The following CORIN variants were observed in gnomAD, a reference collection of about 807,000 sequenced individuals.
CORIN encodes the protein corin, serine peptidase.
Under a neutral mutation model 125.3 loss-of-function variants are expected in CORIN, and 117 were observed. The ratio of observed to expected loss-of-function variants is 0.93; its 90% CI spans 0.80 to 1.09. The LOEUF (loss-of-function observed/expected upper bound fraction) is 1.09, where lower values mean the gene tolerates loss of function less well. CORIN is among the 50% of genes least tolerant of loss of function. The probability of loss-of-function intolerance (pLI) is 0.00; values close to 1 mark genes in which losing one functional copy is unlikely to be tolerated. For synonymous variants in CORIN, 450 were observed against 466.4 expected (o/e 0.96, Z 0.45); for missense variants, 1,253 against 1,306.7 (o/e 0.96, Z 0.63).
intron 5 of CORIN, among the ~76,000 whole-genome samples, chr4:47,701,313 A>G (rs1726283496): frequency 6.6e-6 from 1 of 152,216 alleles, no homozygotes; most frequent in African/African-American, 2.4e-5. Flanking sequence ...AGAAAATCCC[A>G]AACAACTCCT....
intron 10 of CORIN, among the ~76,000 whole-genome samples, chr4:47,672,082 G>C (rs1191350159): frequency 6.6e-6 from 1 of 152,190 alleles, no homozygotes; most frequent in Non-Finnish European, 1.5e-5. Flanking sequence ...AGAGCTTAAA[G>C]AGAACAACAG....
Position 47,819,328 on chromosome 4 carries a change from C to A in CORIN, c.64-12281G>T, listed in dbSNP as rs73137920. 9.3e-3 allele frequency among the ~76,000 whole-genome samples: 1,413 copies of A among 152,178 alleles called. 20 individuals carry two copies. Among genetic ancestry groups the A allele is most frequent in the African/African-American group, 0.032 (1,336 of 41,520 alleles). On this transcript the variant is annotated intron_variant, in intron 1 of 21. Coordinates refer to ENST00000273857, the MANE Select transcript of CORIN (RefSeq NM_006587.4). ...AAGGAAGTCTAGAAGAGCAAGTTGGCAAAGATCATGGCCAGAAGACAAAGA... is the reference window on the plus strand; with the variant it reads ...AAGGAAGTCTAGAAGAGCAAGTTGGAAAAGATCATGGCCAGAAGACAAAGA...
In CORIN at chr4:47,618,557, C is replaced by T. The variant is rs868215947; in HGVS notation, c.2540+5014G>A. Among the ~76,000 whole-genome samples the T allele has an allele frequency of 2.0e-5, 3 of 151,600 alleles. 1 individual carries two copies. The highest frequency in any genetic ancestry group is 3.5e-3 in the Middle Eastern group (1 of 284). On this transcript the variant is annotated intron_variant, in intron 19 of 21. Transcript: ENST00000273857. ...GGCGAGGGCTGGGCGCAGTGGCTCA[C>T]GCCTGTAATCCCAGCACTTTGGGAG...
chr4:47,816,153 A>G (rs1395223980), intron 1 of CORIN, among the ~76,000 whole-genome samples: 1 of 152,228 alleles, frequency 6.6e-6, no homozygotes, highest in African/African-American at 2.4e-5. Flanking sequence ...GTAAAACATA[A>G]ACAGATGTTG....
chr4:47,613,948 T>TA (rs1338581723), intron 19 of CORIN, among the ~76,000 whole-genome samples: 2 of 141,014 alleles, frequency 1.4e-5, no homozygotes, highest in Non-Finnish European at 3.0e-5. Flanking sequence ...CCCTAAAACT[T>TA]AAAGTATAAT....
intron 5 of CORIN, among the ~76,000 whole-genome samples, chr4:47,728,318 T>C (rs1298312762): frequency 1.3e-5 from 2 of 152,106 alleles, no homozygotes; most frequent in East Asian, 3.9e-4. Context: ...TAAAGAATAA[T>C]GTTCACCTAA....
chr4:47,595,558 GA>G lies in CORIN; in HGVS notation c.*162del, dbSNP rs1020522075. 8 of 442,706 alleles carry G rather than the reference GA, an allele frequency of 1.8e-5. No homozygotes were observed. The highest frequency in any genetic ancestry group is 1.3e-4 in the East Asian group (4 of 29,722). The allele number at this position is 442,706 out of a possible 1,614,324, so 27.4% of individuals were successfully genotyped here. On this transcript the variant is annotated 3_prime_UTR_variant, in exon 22 of 22. Coordinates refer to ENST00000273857, the MANE Select transcript of CORIN (RefSeq NM_006587.4). ...AAAAATGAAGGTGAAAAAATAAATT[GA>G]AAAAAATTAGTCCAAAACAAACATG...
intron 19 of CORIN, among the ~76,000 whole-genome samples, chr4:47,618,307 T>C (rs56402433): frequency 0.27 from 38,850 of 143,586 alleles, 5,319 homozygotes; most frequent in Admixed American, 0.36. Context: ...TCACTCCAGC[T>C]TGGGCAACAG....
At chr4:47,634,666 G>A (rs2109588603) in intron 16 of CORIN, among the ~76,000 whole-genome samples, 1 of 152,212 alleles carries the variant, frequency 6.6e-6, no homozygotes, top group African/African-American at 2.4e-5. Flanking sequence ...CCTTGTTGAA[G>A]ATACAAATAA....
At chr4:47,806,737 G>A (rs951653603) in intron 2 of CORIN, among the ~76,000 whole-genome samples, 166 bp downstream of exon 2, 2 of 152,140 alleles carry the variant, frequency 1.3e-5, no homozygotes, top group Non-Finnish European at 2.9e-5. Context: ...ATAACCAGTA[G>A]AGTGGTTACA....
At position 47,761,508 on chromosome 4, in the gene CORIN, CAT is replaced by C. The variant is rs58530980; in HGVS notation, c.617+1869_617+1870del. ...ACACACACACACACACACACACACA[CAT>C]ATACACAATGGAATACTATTCAGCC... On this transcript the variant is annotated intron_variant, in intron 4 of 21. Transcript: ENST00000273857. Among the ~76,000 whole-genome samples the C allele has an allele frequency of 3.9e-3, 591 of 151,298 alleles. 1 individual carries two copies. The highest frequency in any genetic ancestry group is 5.6e-3 in the Non-Finnish European group (381 of 67,682).
In CORIN at chr4:47,667,117, G is replaced by A. The variant is rs371406843; in HGVS notation, c.1358-1854C>T. On this transcript the variant is annotated intron_variant, in intron 10 of 21. Coordinates refer to ENST00000273857, the MANE Select transcript of CORIN (RefSeq NM_006587.4). ...GTGAATAAGTCTCACAAAATCTGAT[G>A]ATTTTATAAGGGGTTTCACCTTTCA... Among the ~76,000 whole-genome samples the A allele has an allele frequency of 5.4e-4, 82 of 152,292 alleles. 1 individual carries two copies. In the South Asian group the frequency reaches 0.017, roughly 32 times the overall value.
chr4:47,799,002 C>A (rs1373982050), intron 2 of CORIN, among the ~76,000 whole-genome samples: 1 of 152,074 alleles, frequency 6.6e-6, no homozygotes, highest in East Asian at 1.9e-4. Flanking sequence ...ATTTGGTTCT[C>A]TGTTCCTGTG....
At chr4:47,602,839 A>T (rs1721496867) in intron 20 of CORIN, among the ~76,000 whole-genome samples, 1 of 152,098 alleles carries the variant, frequency 6.6e-6, no homozygotes, top group Non-Finnish European at 1.5e-5. Flanking sequence ...TTTTTGTAAG[A>T]GAAAATGGGA....
chr4:47,600,376 T>C (rs1469373304), intron 20 of CORIN, 29 bp from the exon 21 acceptor site: 1 of 1,545,372 alleles, frequency 6.5e-7, no homozygotes, highest in South Asian at 1.2e-5. Flanking sequence ...AGAATATATA[T>C]ATGATGATAA....
chr4:47,674,538 C>T (rs1242696054), intron 9 of CORIN, 38 bp from the exon 10 acceptor site: 1 of 1,220,412 alleles, frequency 8.2e-7, no homozygotes. Flanking sequence ...CTTTCATCAT[C>T]TACAAATTCC....
intron 13 of CORIN, among the ~76,000 whole-genome samples, chr4:47,650,121 C>G (rs970346101): frequency 1.3e-5 from 2 of 152,128 alleles, no homozygotes; most frequent in African/African-American, 4.8e-5. Flanking sequence ...TAAGGGGATT[C>G]TGACTTGAAG....
intron 1 of CORIN, among the ~76,000 whole-genome samples, chr4:47,815,138 C>G (rs538660924): frequency 2.0e-5 from 3 of 152,204 alleles, no homozygotes; most frequent in South Asian, 4.1e-4. Context: ...TGAAAATCTA[C>G]GTAACCTTAT....
At chr4:47,819,373 G>T (rs1732406243) in intron 1 of CORIN, among the ~76,000 whole-genome samples, 1 of 152,098 alleles carries the variant, frequency 6.6e-6, no homozygotes, top group Non-Finnish European at 1.5e-5. Context: ...AGCAAACTGA[G>T]CAAAAATTAC....
Sources: allele counts gnomAD v4.1 joint callset (sites outside exome capture counted in the v4.1 genomes callset), GRCh38; gene constraint gnomAD v4.1.1; transcripts MANE v1.5; gene names NCBI Gene and HGNC (gene_info 2026-07-23, HGNC 2026-07-21).